ASB3: variants seen among roughly 807,000 people sequenced by gnomAD.
ASB3 encodes ankyrin repeat and SOCS box protein 3.
Under a neutral mutation model 54.5 loss-of-function variants are expected in ASB3, and 41 were observed. The observed-to-expected ratio is 0.75, with a 90% CI of 0.59 to 0.98. The LOEUF (loss-of-function observed/expected upper bound fraction) is 0.98, where lower values mean the gene tolerates loss of function less well. Ranked by LOEUF, ASB3 falls within the 50% of genes least tolerant of loss-of-function variation. The pLI is 0.00. For synonymous variants in ASB3, 266 were observed against 221.2 expected, an observed-to-expected ratio of 1.20 and a Z score of -1.80; for missense variants, 733 against 620.0, an observed-to-expected ratio of 1.18 and a Z score of -1.94.
chr2:53,714,643 T>C, intron 6 of ASB3, 62 bp from the exon 7 acceptor site: 2 of 1,543,560 alleles, frequency 1.3e-6, no homozygotes, highest in Non-Finnish European at 1.8e-6. Context: ...GTAGGCAACA[T>C]TTCTATAGCA....
chr2:53,706,600 C>G (rs1378938986), intron 7 of ASB3, among the ~76,000 whole-genome samples: 1 of 152,094 alleles, frequency 6.6e-6, no homozygotes, highest in Non-Finnish European at 1.5e-5. Context: ...CACGTGCCGC[C>G]ACGCCTGACT....
In ASB3 at chr2:53,670,456, T is replaced by A. The variant is rs528124970; in HGVS notation, c.*47A>T. On this transcript the variant is annotated 3_prime_UTR_variant, in exon 10 of 10. Coordinates refer to ENST00000263634, the MANE Select transcript of ASB3 (RefSeq NM_016115.5). ...GTACTCTGTGGCTCTTTTGTCTCGATGATTTTTCAGAGAAAAAAATTAGCT... is the reference window on the plus strand; with the variant it reads ...GTACTCTGTGGCTCTTTTGTCTCGAAGATTTTTCAGAGAAAAAAATTAGCT... 1 of 1,582,192 alleles carries A rather than the reference T, an allele frequency of 6.3e-7. No homozygotes were observed. The highest frequency in any genetic ancestry group is 1.2e-5 in the South Asian group (1 of 85,518).
chr2:53,726,450 G>A (rs560447868), intron 5 of ASB3, among the ~76,000 whole-genome samples: 3 of 151,160 alleles, frequency 2.0e-5, no homozygotes, highest in South Asian at 4.2e-4. Flanking sequence ...TAATAGAGAC[G>A]GGGTTTCACC....
intron 3 of ASB3, among the ~76,000 whole-genome samples, chr2:53,732,899 T>C (rs1671398170): frequency 6.6e-6 from 1 of 152,210 alleles, no homozygotes; most frequent in African/African-American, 2.4e-5. Context: ...TCTATTAAAA[T>C]GGAAATATCA....
At chr2:53,771,516 A>AAAATAAAT (rs141804757) in intron 1 of ASB3, among the ~76,000 whole-genome samples, 2 of 152,176 alleles carry the variant, frequency 1.3e-5, no homozygotes, top group Admixed American at 6.5e-5. Context: ...TCCGTCTCAA[A>AAAATAAAT]AAATAAATAA....
At chr2:53,716,102 T>C (rs1268802234) in intron 6 of ASB3, among the ~76,000 whole-genome samples, 1 of 152,034 alleles carries the variant, frequency 6.6e-6, no homozygotes, top group Non-Finnish European at 1.5e-5. Flanking sequence ...TCTCTCCAAT[T>C]TGAGGTTAGA....
In ASB3 at chr2:53,714,451, T is replaced by C. The variant is rs953723222; in HGVS notation, c.913A>G (p.Ser305Gly). Residue 305 changes from serine to glycine, a missense_variant, in exon 7 of 10, where the codon AGC (serine) becomes GGC (glycine). Ser to Gly is a moderately conservative substitution (Grantham distance 56, BLOSUM62 0). Coordinates refer to ENST00000263634, the MANE Select transcript of ASB3 (RefSeq NM_016115.5). ...CLEILLRNGY[S>G]PDAQACLVFG... Reference sequence around the variant, plus strand: ...ACAAGGCACGCCTGGGCGTCTGGGCTGTAGCCATTCCGGAGTAATATTTCT... The same window carrying C: ...ACAAGGCACGCCTGGGCGTCTGGGCCGTAGCCATTCCGGAGTAATATTTCT... 13 of 1,614,266 alleles carry C rather than the reference T, an allele frequency of 8.1e-6. No individual in the cohort carries two copies. Among genetic ancestry groups the C allele is most frequent in the Non-Finnish European group, 1.1e-5 (13 of 1,180,034 alleles).
At chr2:53,728,919 T>C in intron 4 of ASB3, 72 bp from the exon 5 acceptor site, 1 of 1,382,084 alleles carries the variant, frequency 7.2e-7, no homozygotes. Context: ...TCTTACTGTG[T>C]TTTTTTTTTC....
intron 1 of ASB3, among the ~76,000 whole-genome samples, chr2:53,766,338 T>A (rs1371171674): frequency 6.6e-6 from 1 of 152,228 alleles, no homozygotes; most frequent in Non-Finnish European, 1.5e-5. Context: ...ATAGCTCTCA[T>A]GTGACTCTCT....
At chr2:53,760,422 A>G (rs10192154) in intron 2 of ASB3, among the ~76,000 whole-genome samples, 37,492 of 152,030 alleles carry the variant, frequency 0.25, 5,866 homozygotes, top group East Asian at 0.46. Context: ...ACCGCCAAGC[A>G]GATATTGAAG....
chr2:53,681,266 C>A (rs1335199996), intron 9 of ASB3, among the ~76,000 whole-genome samples: 1 of 152,146 alleles, frequency 6.6e-6, no homozygotes, highest in Non-Finnish European at 1.5e-5. Flanking sequence ...TATGGTAGGT[C>A]TATTTTTAGT....
At chr2:53,766,649 G>A (rs1170140441) in intron 1 of ASB3, among the ~76,000 whole-genome samples, 2 of 152,058 alleles carry the variant, frequency 1.3e-5, no homozygotes, top group African/African-American at 4.8e-5. Context: ...GGTAATTACT[G>A]GATCTAGATG....
chr2:53,733,626 G>A (rs1671448661), intron 3 of ASB3, among the ~76,000 whole-genome samples: 1 of 152,094 alleles, frequency 6.6e-6, no homozygotes, highest in South Asian at 2.1e-4. Flanking sequence ...ATTTTTAGTA[G>A]AGACAGGGTT....
chr2:53,767,795 C>A, intron 1 of ASB3: 1 of 1,491,054 alleles, frequency 6.7e-7, no homozygotes, highest in Non-Finnish European at 9.0e-7. Context: ...GCGCCCCGCG[C>A]GGCCGGTTAC....
intron 1 of ASB3, among the ~76,000 whole-genome samples, chr2:53,769,967 C>G (rs1673780715): frequency 6.6e-6 from 1 of 152,190 alleles, no homozygotes; most frequent in Admixed American, 6.5e-5. Flanking sequence ...AGTTTGCATT[C>G]TAGAATGACA....
chr2:53,762,219 A>G (rs571825510), intron 2 of ASB3, among the ~76,000 whole-genome samples: 2 of 152,306 alleles, frequency 1.3e-5, no homozygotes, highest in Non-Finnish European at 2.9e-5. Context: ...ATATAGACAT[A>G]CACATACACA....
At chr2:53,673,821 T>G (rs1044843384) in intron 9 of ASB3, among the ~76,000 whole-genome samples, 14 of 152,244 alleles carry the variant, frequency 9.2e-5, no homozygotes, top group Non-Finnish European at 5.9e-5. Flanking sequence ...AAATTTTAAT[T>G]GCACCATTTT....
At chr2:53,705,936 C>A (rs1010829747) in intron 7 of ASB3, among the ~76,000 whole-genome samples, 1 of 152,110 alleles carries the variant, frequency 6.6e-6, no homozygotes, top group Admixed American at 6.5e-5. Flanking sequence ...AATGCAAGTA[C>A]AAGGCACACA....
At chr2:53,701,042 C>T (rs1177684466) in intron 7 of ASB3, among the ~76,000 whole-genome samples, 2 of 152,150 alleles carry the variant, frequency 1.3e-5, no homozygotes, top group South Asian at 4.1e-4. Flanking sequence ...GTGGCACAAT[C>T]AAGGCTCACT....
Sources: allele counts gnomAD v4.1 joint callset (sites outside exome capture counted in the v4.1 genomes callset), GRCh38; gene constraint gnomAD v4.1.1; transcripts MANE v1.5; gene names NCBI Gene and HGNC (gene_info 2026-07-23, HGNC 2026-07-21).